The following ETV7 variants were observed in gnomAD, a reference collection of about 807,000 sequenced individuals.
ETV7 encodes the protein ETS variant transcription factor 7.
ETV7 carries 43 observed loss-of-function variants against 39.1 expected under a neutral mutation model. That is an observed-to-expected ratio of 1.10 (90% confidence interval 0.86 to 1.42). ETV7 has a LOEUF of 1.42. Ranked by LOEUF, ETV7 falls within the 40% of genes most tolerant of loss-of-function variation. The pLI is 0.00. For synonymous variants in ETV7, 196 were observed against 176.6 expected, an observed-to-expected ratio of 1.11 and a Z score of -0.87; for missense variants, 432 against 442.3, an observed-to-expected ratio of 0.98 and a Z score of 0.21.
intron 3 of ETV7, among the ~76,000 whole-genome samples, chr6:36,374,112 C>T (rs1773183178): frequency 6.6e-6 from 1 of 152,154 alleles, no homozygotes; most frequent in Non-Finnish European, 1.5e-5. Flanking sequence ...AATCCCAACA[C>T]TTTAGGAGGC....
intron 2 of ETV7, 62 bp from the exon 3 acceptor site, chr6:36,376,097 T>G: frequency 2.0e-6 from 3 of 1,488,024 alleles, no homozygotes; most frequent in Non-Finnish European, 2.7e-6. Flanking sequence ...AAGCCCACCC[T>G]GAACACTTCA....
At chr6:36,376,337 G>A (rs943561531) in intron 2 of ETV7, among the ~76,000 whole-genome samples, 12 of 152,162 alleles carry the variant, frequency 7.9e-5, no homozygotes, top group Admixed American at 2.0e-4. Flanking sequence ...AGTGTTTAAC[G>A]AGAACCTACT....
intron 5 of ETV7, among the ~76,000 whole-genome samples, chr6:36,370,845 G>C (rs767928372): frequency 1.7e-4 from 26 of 152,194 alleles, no homozygotes; most frequent in Non-Finnish European, 3.5e-4. Context: ...TCTGGAGCCA[G>C]ACTGCCTGGG....
downstream of ETV7, among the ~76,000 whole-genome samples, chr6:36,362,458 A>G (rs1053567789): frequency 6.7e-6 from 1 of 150,034 alleles, no homozygotes; most frequent in African/African-American, 2.5e-5. Flanking sequence ...AAAACACCTC[A>G]AAAAAAAAAT....
chr6:36,371,219 A>G, intron 5 of ETV7, 111 bp downstream of exon 5: 1 of 1,084,038 alleles, frequency 9.2e-7, no homozygotes, highest in South Asian at 1.3e-5. Flanking sequence ...GCAATCCCCC[A>G]GCCACAGACC....
chr6:36,356,271 C>T (rs1582155358), intron 7 of ETV7, among the ~76,000 whole-genome samples: 1 of 126,046 alleles, frequency 7.9e-6, no homozygotes, highest in Admixed American at 9.6e-5. Flanking sequence ...CAATGATGAG[C>T]AATGATGGCA....
chr6:36,368,246 T>C (rs954156694), intron 6 of ETV7, among the ~76,000 whole-genome samples: 1 of 152,220 alleles, frequency 6.6e-6, no homozygotes, highest in African/African-American at 2.4e-5. Flanking sequence ...AGTGGAGCCC[T>C]CAGGGCAGTG....
intron 7 of ETV7, among the ~76,000 whole-genome samples, chr6:36,355,480 C>T (rs528740381): frequency 8.5e-5 from 13 of 152,200 alleles, no homozygotes; most frequent in East Asian, 3.9e-4. Context: ...TCCAACTCTC[C>T]GCCTCACTCC....
At chr6:36,358,212 A>G (rs187624849) in intron 7 of ETV7, among the ~76,000 whole-genome samples, 14 of 152,366 alleles carry the variant, frequency 9.2e-5, no homozygotes, top group Admixed American at 3.9e-4. Context: ...TGATCTGGAC[A>G]TGTCTTCCTC....
Position 36,366,559 on chromosome 6 carries a change from C to G in ETV7, c.*86G>C. ...GTACAGAGTCTGGCTGGGGATCCTG[C>G]TGCTCTGCTGGGAGGAGGAGTCTGC... On this transcript the variant is annotated 3_prime_UTR_variant, in exon 8 of 8. Transcript: ENST00000340181. 5 of 1,596,670 alleles carry G rather than the reference C, an allele frequency of 3.1e-6. No homozygotes were observed. The highest frequency in any genetic ancestry group is 4.3e-6 in the Non-Finnish European group (5 of 1,170,728).
chr6:36,376,656 G>A (rs909437647), intron 2 of ETV7, among the ~76,000 whole-genome samples: 9 of 152,006 alleles, frequency 5.9e-5, no homozygotes, highest in African/African-American at 1.4e-4. Flanking sequence ...TGCACCTGTA[G>A]TCCCAGCTGC....
At chr6:36,371,586 A>G in intron 4 of ETV7, 26 bp from the exon 5 acceptor site, 3 of 1,547,346 alleles carry the variant, frequency 1.9e-6, no homozygotes, top group Non-Finnish European at 2.6e-6. Flanking sequence ...CACCAGTGGT[A>G]GCAGGCAGTG....
chr6:36,356,330 A>AC (rs1461765248), intron 7 of ETV7, among the ~76,000 whole-genome samples: 1 of 150,762 alleles, frequency 6.6e-6, no homozygotes, highest in African/African-American at 2.4e-5. Flanking sequence ...TCTCAAAAAA[A>AC]AAAAAAAAAC....
At chr6:36,379,747 G>A (rs1185547893) in intron 2 of ETV7, among the ~76,000 whole-genome samples, 2 of 151,366 alleles carry the variant, frequency 1.3e-5, no homozygotes, top group Non-Finnish European at 2.9e-5. Flanking sequence ...ACAGTGGCAC[G>A]TGCCTGTAAT....
At chr6:36,363,112 G>C (rs1014485107), downstream of ETV7, among the ~76,000 whole-genome samples, 2 of 152,234 alleles carry the variant, frequency 1.3e-5, no homozygotes, top group African/African-American at 2.4e-5. Context: ...CAGGTATGCA[G>C]CTCTGGGGTG....
intron 2 of ETV7, among the ~76,000 whole-genome samples, chr6:36,378,312 A>G (rs1014655664): frequency 2.0e-5 from 3 of 152,088 alleles, no homozygotes; most frequent in Non-Finnish European, 2.9e-5. Flanking sequence ...CACCATTCAC[A>G]TTCACAAAAA....
rs553023504 is a variant in ETV7, at chr6:36,369,129, G to C, written c.665-58C>G. 4 of 1,603,264 alleles carry C rather than the reference G, an allele frequency of 2.5e-6. No individual in the cohort carries two copies. The East Asian group carries it at 8.9e-5, about 36-fold the overall frequency. On this transcript the variant is annotated intron_variant, in intron 5 of 7. Coordinates refer to ENST00000340181, the MANE Select transcript of ETV7 (RefSeq NM_016135.4). ...AGCTTTACTGGAGCTGTGAGGACAGGTGTTAGAAAGGCACTCTTGGAAGCC... is the reference window on the plus strand; with the variant it reads ...AGCTTTACTGGAGCTGTGAGGACAGCTGTTAGAAAGGCACTCTTGGAAGCC...
At chr6:36,361,904 T>C (rs963898983), downstream of ETV7, among the ~76,000 whole-genome samples, 2 of 152,242 alleles carry the variant, frequency 1.3e-5, no homozygotes, top group East Asian at 3.8e-4. Flanking sequence ...GGCTCACACC[T>C]GTAACCCCAA....
intron 2 of ETV7, among the ~76,000 whole-genome samples, chr6:36,379,765 A>T (rs754542641): frequency 2.7e-5 from 4 of 150,046 alleles, no homozygotes; most frequent in Admixed American, 6.7e-5. Context: ...AATCCCAACT[A>T]CTTGGGAGGC....
Sources: allele counts gnomAD v4.1 joint callset (sites outside exome capture counted in the v4.1 genomes callset), GRCh38; gene constraint gnomAD v4.1.1; transcripts MANE v1.5; gene names NCBI Gene and HGNC (gene_info 2026-07-23, HGNC 2026-07-21).